ANKRD24: variants seen among roughly 807,000 people sequenced by gnomAD.
ANKRD24 encodes ankyrin repeat domain-containing protein 24.
ANKRD24 carries 109 observed loss-of-function variants against 127.8 expected under a neutral mutation model. The ratio of observed to expected loss-of-function variants is 0.85; its 90% CI spans 0.73 to 1.00. The LOEUF is 1.00. ANKRD24 is among the 50% of genes least tolerant of loss of function. ANKRD24 has a pLI of 0.00. For missense variants in ANKRD24, 1,648 were observed against 1,570.2 expected (o/e 1.05, Z -0.84); for synonymous variants, 743 against 671.1 (o/e 1.11, Z -1.66).
chr19:4,213,268 CTTCCTTCCTTCCCTCCTTCCTTCCTTTCT>C (rs1969861903), intron 15 of ANKRD24, among the ~76,000 whole-genome samples: 2 of 142,010 alleles, frequency 1.4e-5, no homozygotes, highest in Admixed American at 7.0e-5. Context: ...CTTTCCTTTC[CTTCCTTCCTTCCCTCCTTCCTTCCTTTCT>C]TTCCTTCCTT....
intron 2 of ANKRD24, among the ~76,000 whole-genome samples, chr19:4,188,227 A>C (rs1442927285): frequency 1.3e-5 from 2 of 151,552 alleles, no homozygotes. Context: ...ACAGGCACGC[A>C]CCACCATGCC....
At chr19:4,202,741 G>T (rs1649895898) in intron 6 of ANKRD24, 128 bp from the exon 7 acceptor site, 2 of 912,858 alleles carry the variant, frequency 2.2e-6, no homozygotes, top group Admixed American at 4.4e-5. Flanking sequence ...TCATGAAAAT[G>T]GAGTCCCTTG....
rs142944291 is a variant in ANKRD24 at position 4,208,907 on chromosome 19, C to T, written c.870+106C>T. 1.7e-4 allele frequency: 221 copies of T among 1,278,070 alleles called. 1 individual carries two copies. In the African/African-American group the frequency reaches 3.1e-3, roughly 18 times the overall value. The allele number at this position is 1,278,070 out of a possible 1,614,324, so 79.2% of individuals were successfully genotyped here. A position where few individuals can be genotyped will look rare whatever the true frequency, so the allele number is the denominator to read the frequency against. On this transcript the variant is annotated intron_variant, in intron 11 of 21. Transcript: ENST00000318934. ...GAGAAGGAAGTTAGACCTGGGAAAA[C>T]CTGTTTGGAAAGAATGCTACCTTCA...
In ANKRD24 at chr19:4,186,449, T is replaced by A; in HGVS notation, c.24T>A (p.Phe8Leu). The change falls in exon 2 of 22, where the codon TTT becomes TTA. Residue 8 changes from phenylalanine to leucine, a missense_variant. Coordinates refer to ENST00000318934, the MANE Select transcript of ANKRD24 (RefSeq NM_001393985.1). The stretch of plus-strand genomic sequence containing the variant: ...CTATGAAGACTCTCAGGGCGCGATT[T>A]AAGAAGACAGAGGTGAGTGTGAGGC... MKTLRAR[F>L]KKTELRLSPT... is the part of the protein sequence containing the mutation. The A allele has an allele frequency of 6.3e-7, 1 of 1,594,104 alleles. No homozygotes were observed. The highest frequency in any genetic ancestry group is 8.5e-7 in the Non-Finnish European group (1 of 1,170,366).
chr19:4,224,800 A>C lies in ANKRD24; in HGVS notation c.*295A>C. On this transcript the variant is annotated 3_prime_UTR_variant, in exon 22 of 22. Coordinates refer to ENST00000318934, the MANE Select transcript of ANKRD24 (RefSeq NM_001393985.1). ...CAGACGCCAGCCCAGGAATAAAGGC[A>C]TTCTGTGCACAGGGCCAACGCGTGC... 1 of 484,002 alleles carries C rather than the reference A, an allele frequency of 2.1e-6. No individual in the cohort carries two copies. The highest frequency in any genetic ancestry group is 3.8e-6 in the Non-Finnish European group (1 of 266,126). 30.0% of individuals were successfully genotyped at this position (484,002 alleles called of 1,614,324 possible).
At position 4,217,833 on chromosome 19, in the gene ANKRD24, C is replaced by T. The variant is rs1428813300; in HGVS notation, c.2673C>T (p.Ala891=). 1.4e-6 allele frequency: 2 copies of T among 1,425,882 alleles called. No homozygotes were observed. The highest frequency in any genetic ancestry group is 3.2e-5 in the East Asian group (1 of 31,522). The allele number at this position is 1,425,882 out of a possible 1,614,324, so 88.3% of individuals were successfully genotyped here. A position where few individuals can be genotyped will look rare whatever the true frequency, so the allele number is the denominator to read the frequency against. The change falls in exon 18 of 22, where the codon GCC becomes GCT. Residue 891 remains alanine, a synonymous_variant. Coordinates refer to ENST00000318934, the MANE Select transcript of ANKRD24 (RefSeq NM_001393985.1). ...CCCGAGTGGCTGAGCTGCCTGCGGCCTGCGAGGAGGCGCGGCAGGGCCTGG... is the reference window on the plus strand; with the variant it reads ...CCCGAGTGGCTGAGCTGCCTGCGGCTTGCGAGGAGGCGCGGCAGGGCCTGG... The part of the protein sequence containing the change: ...AEARVAELPA[A]CEEARQGLAE...
intron 18 of ANKRD24, 59 bp from the exon 19 acceptor site, chr19:4,219,532 G>C: frequency 6.6e-7 from 1 of 1,516,192 alleles, no homozygotes. Flanking sequence ...ATGAATTCTG[G>C]GGTCTAGCAT....
At position 4,186,504 on chromosome 19, in the gene ANKRD24, C is replaced by T. The variant is rs1158405445; in HGVS notation, c.36+43C>T. The T allele has an allele frequency of 8.3e-6, 13 of 1,570,986 alleles. No individual in the cohort carries two copies. The East Asian group carries it at 2.6e-4, about 31-fold the overall frequency. On this transcript the variant is annotated intron_variant, in intron 2 of 21. Coordinates refer to ENST00000318934, the MANE Select transcript of ANKRD24 (RefSeq NM_001393985.1). ...GATGCCCGATACACCCCTGCAACTT[C>T]AGCCTTCTGTCTCCTGGGGCTTGGC...
chr19:4,212,647 G>A lies in ANKRD24; in HGVS notation c.1146G>A (p.Glu382=). Residue 382 remains glutamate, a synonymous_variant, in exon 15 of 22, where the codon GAG becomes GAA. Transcript: ENST00000318934. ...TGGTGGAGAGACAAGAGGAGAAGGA[G>A]AGCCTGGGACGGGAGGTGGAGAGTT... ...QLLVERQEEK[E]SLGREVESLQ... The A allele has an allele frequency of 6.4e-7, 1 of 1,551,364 alleles. No individual in the cohort carries two copies. The highest frequency in any genetic ancestry group is 1.4e-5 in the African/African-American group (1 of 73,166).
chr19:4,194,946 T>C (rs1968612379), intron 2 of ANKRD24, among the ~76,000 whole-genome samples: 1 of 151,686 alleles, frequency 6.6e-6, no homozygotes, highest in African/African-American at 2.4e-5. Flanking sequence ...CTCAGTGGGC[T>C]CCGAGGGGCA....
chr19:4,210,027 C>T (rs1366873900), intron 11 of ANKRD24, 31 bp from the exon 12 acceptor site: 4 of 1,465,940 alleles, frequency 2.7e-6, no homozygotes, highest in East Asian at 2.3e-5. Context: ...CCCGATCGGC[C>T]CCCTTCACTC....
At chr19:4,201,813 G>C (rs1969108488) in intron 5 of ANKRD24, among the ~76,000 whole-genome samples, 1 of 152,124 alleles carries the variant, frequency 6.6e-6, no homozygotes, top group African/African-American at 2.4e-5. Context: ...CTTGAGCCTA[G>C]GTGTTCAAGC....
At chr19:4,193,393 G>C (rs1156432052) in intron 2 of ANKRD24, among the ~76,000 whole-genome samples, 1 of 152,010 alleles carries the variant, frequency 6.6e-6, no homozygotes, top group Non-Finnish European at 1.5e-5. Context: ...TCCAAGAGTG[G>C]ACAGCAGTAA....
intron 2 of ANKRD24, among the ~76,000 whole-genome samples, chr19:4,190,327 C>T (rs1477436645): frequency 2.0e-5 from 3 of 151,370 alleles, no homozygotes; most frequent in South Asian, 2.1e-4. Context: ...CCCAGCTACT[C>T]GGGAGGCTGA....
intron 18 of ANKRD24, 56 bp downstream of exon 18, chr19:4,218,219 G>GT: frequency 2.2e-6 from 3 of 1,390,152 alleles, no homozygotes; most frequent in Non-Finnish European, 2.8e-6. Flanking sequence ...GTGGCGGCCT[G>GT]TTTTAGCCCC....
intron 7 of ANKRD24, 126 bp downstream of exon 7, chr19:4,203,052 CTT>C (rs551724235): frequency 4.1e-3 from 2,529 of 616,140 alleles, no homozygotes; most frequent in South Asian, 8.0e-3. Flanking sequence ...TTCTTTCTTT[CTT>C]TTTTTTTTTT....
At chr19:4,218,930 TCTAA>T (rs201371112) in intron 18 of ANKRD24, among the ~76,000 whole-genome samples, 2,077 of 151,998 alleles carry the variant, frequency 0.014, 38 homozygotes, top group African/African-American at 0.048. Flanking sequence ...ACCATGCTCG[TCTAA>T]CTTTTTAATT....
At chr19:4,206,580 G>C (rs1969399812) in intron 7 of ANKRD24, among the ~76,000 whole-genome samples, 1 of 152,098 alleles carries the variant, frequency 6.6e-6, no homozygotes, top group Non-Finnish European at 1.5e-5. Context: ...GATCACTTGA[G>C]CCCAGGAGTT....
intron 13 of ANKRD24, among the ~76,000 whole-genome samples, chr19:4,211,557 T>C (rs939645440): frequency 2.0e-5 from 3 of 151,846 alleles, no homozygotes; most frequent in African/African-American, 7.3e-5. Context: ...GGCAGGAGAA[T>C]TGCTTGAACC....
Sources: gnomAD v4.1 joint callset for allele counts (sites outside exome capture counted in the v4.1 genomes callset) on GRCh38, gnomAD v4.1.1 for gene constraint, MANE v1.5 for transcripts, NCBI Gene and HGNC (gene_info 2026-07-23, HGNC 2026-07-21) for gene names.